ZDHHC2: variants seen among roughly 807,000 people sequenced by gnomAD.
ZDHHC2 encodes zDHHC palmitoyltransferase 2.
In ZDHHC2, 51 loss-of-function variants were observed where a neutral mutation model predicts 55.6. That is an observed-to-expected ratio of 0.92 (90% CI 0.73 to 1.16). The LOEUF is 1.16. Ranked by LOEUF, ZDHHC2 falls within the 50% of genes most tolerant of loss-of-function variation. The pLI is 0.00. For missense variants in ZDHHC2, 491 were observed against 442.4 expected, an observed-to-expected ratio of 1.11 and a Z score of -0.99; for synonymous variants, 199 against 152.9, an observed-to-expected ratio of 1.30 and a Z score of -2.22.
chr8:17,213,399 A>G (rs1446980469), intron 10 of ZDHHC2, among the ~76,000 whole-genome samples: 1 of 151,868 alleles, frequency 6.6e-6, no homozygotes, highest in Non-Finnish European at 1.5e-5. Context: ...AATTACATGT[A>G]CACCACAATG....
rs1484325295 is a variant in ZDHHC2 at position 17,174,510 on chromosome 8, TC to T, written c.131-10276del. On this transcript the variant is annotated intron_variant, in intron 1 of 12. Transcript: ENST00000262096. ...GTTTGGATGTTGCACTCAGTAGGCT[TC>T]CCTTAACACACAGTCACTAGTTTTT... 5.9e-5 allele frequency among the ~76,000 whole-genome samples: 9 copies of T among 152,216 alleles called. No individual in the cohort carries two copies. In the East Asian group the frequency reaches 1.5e-3, roughly 26 times the overall value.
intron 1 of ZDHHC2, among the ~76,000 whole-genome samples, chr8:17,177,683 A>G (rs984895597): frequency 6.6e-6 from 1 of 152,104 alleles, no homozygotes; most frequent in Non-Finnish European, 1.5e-5. Flanking sequence ...AACAGAAAAA[A>G]TGTAGAGCTT....
rs58795257 is a variant in ZDHHC2, at chr8:17,220,537, A to G, written c.*316A>G. Reference sequence around the variant, plus strand: ...CAAGGACCAGTTTTTACCCAAATATATGGGTAGCACAGTTTATCACATAGA... The same window carrying G: ...CAAGGACCAGTTTTTACCCAAATATGTGGGTAGCACAGTTTATCACATAGA... On this transcript the variant is annotated 3_prime_UTR_variant, in exon 13 of 13. Coordinates refer to ENST00000262096, the MANE Select transcript of ZDHHC2 (RefSeq NM_016353.5). The G allele has an allele frequency of 1.7e-4, 26 of 152,346 alleles. No homozygotes were observed. Among genetic ancestry groups the G allele is most frequent in the African/African-American group, 6.3e-4 (26 of 41,594 alleles). The allele number at this position is 152,346 out of a possible 1,614,324, so 9.4% of individuals were successfully genotyped here. A position where few individuals can be genotyped will look rare whatever the true frequency, so the allele number is the denominator to read the frequency against.
intron 1 of ZDHHC2, among the ~76,000 whole-genome samples, chr8:17,175,674 C>G (rs1805092889): frequency 6.6e-6 from 1 of 152,122 alleles, no homozygotes; most frequent in Admixed American, 6.5e-5. Context: ...AGATAATGTT[C>G]AGAGAATCTA....
chr8:17,176,223 G>A lies in ZDHHC2; in HGVS notation c.131-8566G>A, dbSNP rs188081370. ...TTGAGGTAGTCGATTGCCTTGCCCC[G>A]TGTTTGTGGTTAGTAGACTGTTAGG... On this transcript the variant is annotated intron_variant, in intron 1 of 12. Transcript: ENST00000262096. 1.1e-3 allele frequency among the ~76,000 whole-genome samples: 171 copies of A among 152,212 alleles called. 1 individual carries two copies. The highest frequency in any genetic ancestry group is 2.0e-3 in the Non-Finnish European group (138 of 68,014).
At chr8:17,218,939 T>A (rs915296667) in intron 12 of ZDHHC2, among the ~76,000 whole-genome samples, 8 of 152,182 alleles carry the variant, frequency 5.3e-5, no homozygotes, top group African/African-American at 1.7e-4. Context: ...GATACTGATG[T>A]GCCTAATTTA....
chr8:17,182,878 C>G (rs189165134), intron 1 of ZDHHC2, among the ~76,000 whole-genome samples: 95 of 152,268 alleles, frequency 6.2e-4, no homozygotes, highest in Non-Finnish European at 1.0e-3. Context: ...TCTCCTGCCT[C>G]AGCCTCCAAG....
intron 6 of ZDHHC2, among the ~76,000 whole-genome samples, chr8:17,199,572 T>TCTTTATTC (rs1286212288): frequency 1.3e-5 from 1 of 76,366 alleles, no homozygotes; most frequent in Non-Finnish European, 3.8e-5. Flanking sequence ...TTCTTCGTCT[T>TCTTTATTC]TGTCTTCTTC....
At chr8:17,192,726 A>G (rs182016380) in intron 3 of ZDHHC2, among the ~76,000 whole-genome samples, 5 of 152,144 alleles carry the variant, frequency 3.3e-5, no homozygotes, top group South Asian at 4.1e-4. Context: ...AGTTTCCCCA[A>G]CGTTTTCTTT....
chr8:17,158,103 A>C (rs1009841755), intron 1 of ZDHHC2, among the ~76,000 whole-genome samples: 6 of 152,136 alleles, frequency 3.9e-5, no homozygotes, highest in Non-Finnish European at 7.3e-5. Flanking sequence ...CAAAAAAAAA[A>C]CCTTGAGTCT....
At chr8:17,189,861 A>AT (rs1805928991) in intron 3 of ZDHHC2, among the ~76,000 whole-genome samples, 2 of 152,144 alleles carry the variant, frequency 1.3e-5, no homozygotes. Flanking sequence ...GATAGATACT[A>AT]TTTTTTACTA....
At chr8:17,171,330 G>C (rs1271078644) in intron 1 of ZDHHC2, among the ~76,000 whole-genome samples, 2 of 152,130 alleles carry the variant, frequency 1.3e-5, no homozygotes, top group Non-Finnish European at 2.9e-5. Context: ...GGGATTATAG[G>C]ATTCCATTGA....
intron 1 of ZDHHC2, among the ~76,000 whole-genome samples, chr8:17,160,823 G>A (rs547322799): frequency 1.3e-4 from 20 of 152,278 alleles, no homozygotes; most frequent in African/African-American, 3.6e-4. Context: ...CTTAGAGAGC[G>A]GCCATAGAAG....
At chr8:17,176,613 C>T (rs920895374) in intron 1 of ZDHHC2, among the ~76,000 whole-genome samples, 51 of 152,120 alleles carry the variant, frequency 3.4e-4, no homozygotes, top group African/African-American at 1.2e-3. Context: ...GAGGATTGGG[C>T]TGGAGTCCAG....
chr8:17,193,938 G>T (rs1390134277), intron 3 of ZDHHC2, among the ~76,000 whole-genome samples: 3 of 152,132 alleles, frequency 2.0e-5, no homozygotes, highest in African/African-American at 7.2e-5. Context: ...CCCCACGACA[G>T]GCCCTGGTGT....
At chr8:17,173,930 C>T (rs1250439060) in intron 1 of ZDHHC2, among the ~76,000 whole-genome samples, 1 of 152,014 alleles carries the variant, frequency 6.6e-6, no homozygotes, top group African/African-American at 2.4e-5. Flanking sequence ...TCCAACGTGA[C>T]TTGCTGTCCT....
At chr8:17,199,580 T>C (rs887974869) in intron 6 of ZDHHC2, among the ~76,000 whole-genome samples, 45 of 111,312 alleles carry the variant, frequency 4.0e-4, no homozygotes, top group Non-Finnish European at 7.3e-4. Context: ...CTTTGTCTTC[T>C]TCTTCTTCTT....
In ZDHHC2 at chr8:17,223,498, T is replaced by A. The variant is rs1422333983; in HGVS notation, c.*3277T>A. On this transcript the variant is annotated 3_prime_UTR_variant, in exon 13 of 13. Coordinates refer to ENST00000262096, the MANE Select transcript of ZDHHC2 (RefSeq NM_016353.5). ...AACCACGTGGCTTAATCCCAAATGT[T>A]TTACACTTCTTTTCCACATACTTAG... 6.6e-6 allele frequency: 1 copy of A among 151,836 alleles called. No homozygotes were observed. Among genetic ancestry groups the A allele is most frequent in the Non-Finnish European group, 1.5e-5 (1 of 67,780 alleles). 9.4% of individuals were successfully genotyped at this position (151,836 alleles called of 1,614,324 possible).
intron 1 of ZDHHC2, among the ~76,000 whole-genome samples, chr8:17,179,122 T>A (rs1195559366): frequency 6.6e-6 from 1 of 152,128 alleles, no homozygotes; most frequent in Non-Finnish European, 1.5e-5. Context: ...GGCTAATTTT[T>A]AAATTTTTTT....
Sources: gnomAD v4.1 joint callset for allele counts (sites outside exome capture counted in the v4.1 genomes callset) on GRCh38, gnomAD v4.1.1 for gene constraint, MANE v1.5 for transcripts, NCBI Gene and HGNC (gene_info 2026-07-23, HGNC 2026-07-21) for gene names.